CPNE4: variants seen among roughly 807,000 people sequenced by gnomAD.
CPNE4 encodes copine 4.
Under a neutral mutation model 67.9 loss-of-function variants are expected in CPNE4, and 25 were observed. The observed-to-expected ratio is 0.37, with a 90% confidence interval of 0.27 to 0.51. The LOEUF (loss-of-function observed/expected upper bound fraction) is 0.51. CPNE4 is among the 20% of genes least tolerant of loss of function. CPNE4 has a pLI of 0.93. For synonymous variants in CPNE4, 242 were observed against 244.9 expected, an observed-to-expected ratio of 0.99 and a Z score of 0.11; for missense variants, 464 against 690.8, an observed-to-expected ratio of 0.67 and a Z score of 3.68.
At chr3:131,786,706 A>G (rs2083574110) in intron 2 of CPNE4, among the ~76,000 whole-genome samples, 1 of 152,170 alleles carries the variant, frequency 6.6e-6, no homozygotes, top group East Asian at 1.9e-4. Flanking sequence ...AAGATAATTA[A>G]ACTTTCTAAG....
At chr3:131,978,087 A>ATTTATAT (rs1491325727) in intron 1 of CPNE4, among the ~76,000 whole-genome samples, 10 of 32,200 alleles carry the variant, frequency 3.1e-4, no homozygotes, top group African/African-American at 2.0e-3. Context: ...AAATATATAT[A>ATTTATAT]AATATATATA....
chr3:131,631,947 G>A (rs1315437202), intron 7 of CPNE4, among the ~76,000 whole-genome samples: 1 of 150,110 alleles, frequency 6.7e-6, no homozygotes, highest in Non-Finnish European at 1.5e-5. Flanking sequence ...CCAGGCTGGA[G>A]TGCCATGGCA....
At chr3:131,559,055 A>G (rs778213285) in intron 11 of CPNE4, among the ~76,000 whole-genome samples, 1 of 152,046 alleles carries the variant, frequency 6.6e-6, no homozygotes, top group Admixed American at 6.6e-5. Flanking sequence ...ACTCTGTAGC[A>G]TCATATACAA....
At chr3:131,860,768 G>A (rs2086646050) in intron 2 of CPNE4, among the ~76,000 whole-genome samples, 1 of 152,148 alleles carries the variant, frequency 6.6e-6, no homozygotes, top group Non-Finnish European at 1.5e-5. Flanking sequence ...TCGTCTGTGT[G>A]CCAATCAATG....
In CPNE4 at chr3:131,731,402, T is replaced by C. The variant is rs1006098369; in HGVS notation, c.181-7777A>G. On this transcript the variant is annotated intron_variant, in intron 2 of 15. Transcript: ENST00000429747. ...TGTTCTGGGTCTTCCCCTTCCTTCG[T>C]TGGCCTCCTCAGTACCTTCAAGCTG... is the stretch of plus-strand genomic sequence containing the variant. Among the ~76,000 whole-genome samples, 5 of 152,214 alleles carry C rather than the reference T, an allele frequency of 3.3e-5. No individual in the cohort carries two copies. The South Asian group carries it at 1.0e-3, about 32-fold the overall frequency.
chr3:131,613,730 T>G (rs147538858), intron 7 of CPNE4, among the ~76,000 whole-genome samples: 4 of 152,224 alleles, frequency 2.6e-5, no homozygotes, highest in Middle Eastern at 3.4e-3. Flanking sequence ...GCTGAAAAAT[T>G]TGGACACCTC....
chr3:131,717,589 A>G (rs1418338677), intron 3 of CPNE4, among the ~76,000 whole-genome samples: 1 of 152,112 alleles, frequency 6.6e-6, no homozygotes, highest in Middle Eastern at 3.2e-3. Flanking sequence ...GGCAAGATTG[A>G]TTTCCCCTTA....
chr3:131,912,918 A>C (rs1322832192), intron 1 of CPNE4, among the ~76,000 whole-genome samples: 1 of 152,192 alleles, frequency 6.6e-6, no homozygotes, highest in East Asian at 1.9e-4. Context: ...TTGAGTAACA[A>C]GGTTGCTGAG....
intron 2 of CPNE4, among the ~76,000 whole-genome samples, chr3:131,899,874 C>G (rs1251469690): frequency 6.6e-6 from 1 of 152,070 alleles, no homozygotes; most frequent in African/African-American, 2.4e-5. Flanking sequence ...TGCTGGCCCA[C>G]TATTATCCCA....
intron 1 of CPNE4, among the ~76,000 whole-genome samples, chr3:132,021,990 G>A (rs1333671924): frequency 2.6e-5 from 4 of 152,204 alleles, no homozygotes; most frequent in African/African-American, 9.7e-5. Flanking sequence ...CCCCAGCATA[G>A]GGAAGATGAT....
rs58502463 is a variant in CPNE4 at position 131,792,925 on chromosome 3, G to GTGTGTGTGTGTATA, written c.181-69301_181-69300insTATACACACACACA. Among the ~76,000 whole-genome samples the GTGTGTGTGTGTATA allele has an allele frequency of 8.9e-4, 120 of 135,226 alleles. 2 individuals carry two copies. The highest frequency in any genetic ancestry group is 3.3e-3 in the African/African-American group (114 of 34,986). 88.7% of individuals were successfully genotyped at this position (135,226 alleles called of 152,430 possible). A position where few individuals can be genotyped will look rare whatever the true frequency, so the allele number is the denominator to read the frequency against. ...TGTGTGTGTGTGTGTGTGTGTGTGTGTATCTCCAACAAAACATGCCAAAAC... is the reference window on the plus strand; with the variant it reads ...TGTGTGTGTGTGTGTGTGTGTGTGTGTGTGTGTGTGTATATATCTCCAACAAAACATGCCAAAAC... On this transcript the variant is annotated intron_variant, in intron 2 of 15. Transcript: ENST00000429747.
At chr3:131,574,192 T>C (rs748293415) in intron 10 of CPNE4, among the ~76,000 whole-genome samples, 2 of 152,160 alleles carry the variant, frequency 1.3e-5, no homozygotes, top group Non-Finnish European at 2.9e-5. Context: ...TGAGCTTCGT[T>C]AGTACATTTC....
chr3:131,826,389 G>T (rs1030841417), intron 2 of CPNE4, among the ~76,000 whole-genome samples: 5 of 151,758 alleles, frequency 3.3e-5, no homozygotes, highest in Non-Finnish European at 2.9e-5. Context: ...GTAAAGATGG[G>T]GTCTCACTAT....
At chr3:131,676,324 C>A (rs973441116) in intron 6 of CPNE4, among the ~76,000 whole-genome samples, 6 of 151,924 alleles carry the variant, frequency 3.9e-5, no homozygotes, top group African/African-American at 1.5e-4. Context: ...CCCCCAAAGT[C>A]CTGGGATTAC....
At chr3:131,848,078 G>C (rs2086074673) in intron 2 of CPNE4, among the ~76,000 whole-genome samples, 1 of 152,112 alleles carries the variant, frequency 6.6e-6, no homozygotes, top group African/African-American at 2.4e-5. Flanking sequence ...CTATACCAGA[G>C]TTTAGAATAA....
chr3:131,617,346 C>T (rs1402946257), intron 7 of CPNE4, among the ~76,000 whole-genome samples: 3 of 152,174 alleles, frequency 2.0e-5, no homozygotes, highest in Non-Finnish European at 4.4e-5. Flanking sequence ...TATTCAGTCA[C>T]TTATTTTGTG....
intron 7 of CPNE4, among the ~76,000 whole-genome samples, chr3:131,649,855 A>T (rs2079763767): frequency 6.6e-6 from 1 of 152,184 alleles, no homozygotes; most frequent in African/African-American, 2.4e-5. Context: ...GTTATCTCAC[A>T]CTTTCTGTGT....
chr3:131,564,116 GC>G, intron 11 of CPNE4, 99 bp downstream of exon 11: 2 of 1,375,666 alleles, frequency 1.5e-6, no homozygotes, highest in Non-Finnish European at 2.1e-6. Flanking sequence ...TACATAAGGA[GC>G]TACTAGACTT....
At chr3:131,753,006 AATATAAAATATAAATTGT>A (rs2082667760) in intron 2 of CPNE4, among the ~76,000 whole-genome samples, 1 of 151,498 alleles carries the variant, frequency 6.6e-6, no homozygotes, top group East Asian at 1.9e-4. Flanking sequence ...AAAATAATAA[AATATAAAATATAAATTGT>A]ATATAAAATA....
Sources: gnomAD v4.1 joint callset for allele counts (sites outside exome capture counted in the v4.1 genomes callset) on GRCh38, gnomAD v4.1.1 for gene constraint, MANE v1.5 for transcripts, NCBI Gene and HGNC (gene_info 2026-07-23, HGNC 2026-07-21) for gene names.